The following AOPEP variants were observed in gnomAD, a reference collection of about 807,000 sequenced individuals.
The protein encoded by AOPEP is aminopeptidase O.
In AOPEP, 77 loss-of-function variants were observed where a neutral mutation model predicts 98.1. The ratio of observed to expected loss-of-function variants is 0.78; its 90% CI spans 0.65 to 0.95. The LOEUF (loss-of-function observed/expected upper bound fraction) is 0.95. Ranked by LOEUF, AOPEP falls within the 40% of genes least tolerant of loss-of-function variation. The pLI is 0.00. For missense variants in AOPEP, 1,024 were observed against 1,024.7 expected, an observed-to-expected ratio of 1.00 and a Z score of 0.01; for synonymous variants, 346 against 365.3, an observed-to-expected ratio of 0.95 and a Z score of 0.60.
At chr9:94,867,903 A>G (rs2045888360) in intron 5 of AOPEP, among the ~76,000 whole-genome samples, 1 of 152,200 alleles carries the variant, frequency 6.6e-6, no homozygotes, top group Admixed American at 6.5e-5. Context: ...AGTATCAAAT[A>G]AAGCTATAAC....
intron 5 of AOPEP, among the ~76,000 whole-genome samples, chr9:94,866,225 G>A (rs2045693463): frequency 6.6e-6 from 1 of 152,182 alleles, no homozygotes; most frequent in East Asian, 1.9e-4. Context: ...TGAAATCAGT[G>A]TATTTCTGAA....
intron 14 of AOPEP, among the ~76,000 whole-genome samples, chr9:95,064,850 A>C (rs1275627770): frequency 6.6e-6 from 1 of 152,234 alleles, no homozygotes; most frequent in Admixed American, 6.5e-5. Context: ...AGAACTCTAG[A>C]GGAACTTACC....
intron 1 of AOPEP, among the ~76,000 whole-genome samples, chr9:94,731,482 T>A (rs1377957542): frequency 6.6e-6 from 1 of 152,170 alleles, no homozygotes; most frequent in African/African-American, 2.4e-5. Flanking sequence ...TGCCTCAGCC[T>A]CCCAAAGTGC....
At chr9:94,897,054 G>A (rs1018804537) in intron 5 of AOPEP, among the ~76,000 whole-genome samples, 27 of 151,606 alleles carry the variant, frequency 1.8e-4, no homozygotes, top group African/African-American at 6.1e-4. Flanking sequence ...CCCTGGTCAT[G>A]TACATGTAAA....
chr9:95,085,526 A>C (rs1253256404), intron 16 of AOPEP: 1 of 518,188 alleles, frequency 1.9e-6, no homozygotes, highest in Non-Finnish European at 4.0e-6. Flanking sequence ...TAAGTTCTGC[A>C]CCTGAAGAGA....
intron 5 of AOPEP, among the ~76,000 whole-genome samples, chr9:94,880,056 G>A (rs72748531): frequency 0.021 from 3,261 of 152,258 alleles, 85 homozygotes; most frequent in African/African-American, 0.057. Flanking sequence ...ATAGATCACC[G>A]TATGGGAGTT....
chr9:94,769,959 C>T (rs1464779233), intron 2 of AOPEP, among the ~76,000 whole-genome samples: 1 of 152,200 alleles, frequency 6.6e-6, no homozygotes, highest in Non-Finnish European at 1.5e-5. Context: ...GATTTTAATC[C>T]AGTTGGTGGA....
intron 5 of AOPEP, among the ~76,000 whole-genome samples, chr9:94,830,035 G>T (rs1043475253): frequency 6.6e-6 from 1 of 152,128 alleles, no homozygotes; most frequent in South Asian, 2.1e-4. Context: ...ATTTATTTAT[G>T]TATTTATTCA....
chr9:95,067,571 C>G (rs1285967240), intron 14 of AOPEP, among the ~76,000 whole-genome samples: 2 of 152,188 alleles, frequency 1.3e-5, no homozygotes, highest in African/African-American at 4.8e-5. Flanking sequence ...GGCCTCGGCT[C>G]TCAGGGCACC....
intron 9 of AOPEP, among the ~76,000 whole-genome samples, chr9:94,956,982 A>C (rs1314164124): frequency 6.6e-6 from 1 of 152,118 alleles, no homozygotes; most frequent in Non-Finnish European, 1.5e-5. Flanking sequence ...CCCTAAGCAT[A>C]TATTTGGAAA....
intron 9 of AOPEP, among the ~76,000 whole-genome samples, chr9:94,961,106 C>T (rs2058808885): frequency 6.6e-6 from 1 of 151,948 alleles, no homozygotes; most frequent in African/African-American, 2.4e-5. Flanking sequence ...TTTTCATGCC[C>T]TCAAAACTTT....
chr9:95,055,290 T>C (rs1195578102), intron 13 of AOPEP, among the ~76,000 whole-genome samples: 1 of 152,200 alleles, frequency 6.6e-6, no homozygotes, highest in Non-Finnish European at 1.5e-5. Flanking sequence ...CTGGCTAGTG[T>C]GTGGGCAGTA....
intron 11 of AOPEP, among the ~76,000 whole-genome samples, chr9:94,990,685 C>T (rs942142837): frequency 5.3e-5 from 8 of 152,004 alleles, no homozygotes; most frequent in Non-Finnish European, 8.8e-5. Context: ...AGTGCACTGG[C>T]GTGATCTCGG....
intron 11 of AOPEP, among the ~76,000 whole-genome samples, chr9:95,003,165 T>C (rs200077684): frequency 0.011 from 1,670 of 146,026 alleles, 21 homozygotes; most frequent in African/African-American, 0.026. Flanking sequence ...TGTGTGTGTG[T>C]GCGCGCGCGC....
chr9:95,058,917 G>A lies in AOPEP; in HGVS notation c.2116-1777G>A, dbSNP rs2067074274. 3.9e-5 allele frequency among the ~76,000 whole-genome samples: 6 copies of A among 152,318 alleles called. No individual in the cohort carries two copies. In the South Asian group the frequency reaches 1.0e-3, roughly 26 times the overall value. ...GCTGAAGGGTGAGATGAACTGGAAGGAGAAGGAGGGCAGAGGGAGAAAGAG... is the reference window on the plus strand; with the variant it reads ...GCTGAAGGGTGAGATGAACTGGAAGAAGAAGGAGGGCAGAGGGAGAAAGAG... On this transcript the variant is annotated intron_variant, in intron 13 of 16. Transcript: ENST00000375315.
chr9:94,903,635 A>AG (rs914283140), intron 5 of AOPEP, among the ~76,000 whole-genome samples: 2 of 151,296 alleles, frequency 1.3e-5, no homozygotes, highest in African/African-American at 2.4e-5. Context: ...AAAAAAAAAA[A>AG]AAAACAGTTT....
In AOPEP at chr9:95,058,222, A is replaced by G. The variant is rs924874797; in HGVS notation, c.2116-2472A>G. ...GGAGCTGTATCTATTGGTTAAACCT[A>G]GTTGGGGTTAAGTTGAGGACCAAGC... On this transcript the variant is annotated intron_variant, in intron 13 of 16. Transcript: ENST00000375315. Among the ~76,000 whole-genome samples the G allele has an allele frequency of 2.6e-5, 4 of 152,184 alleles. No homozygotes were observed. The East Asian group carries it at 7.7e-4, about 29-fold the overall frequency.
At chr9:94,728,239 G>GCGCGCGCGCGCGCGCGCACACACACACA (rs113657409) in intron 1 of AOPEP, among the ~76,000 whole-genome samples, 10 of 146,606 alleles carry the variant, frequency 6.8e-5, no homozygotes, top group East Asian at 6.1e-4. Flanking sequence ...GTGCGCGCAT[G>GCGCGCGCGCGCGCGCGCACACACACACA]CACACACACA....
At chr9:94,780,189 C>G (rs1373657648) in intron 3 of AOPEP, among the ~76,000 whole-genome samples, 4 of 152,158 alleles carry the variant, frequency 2.6e-5, no homozygotes, top group Admixed American at 2.6e-4. Flanking sequence ...CCTGCAAAGC[C>G]TAAAATATTT....
Sources: allele counts gnomAD v4.1 joint callset (sites outside exome capture counted in the v4.1 genomes callset), GRCh38; gene constraint gnomAD v4.1.1; transcripts MANE v1.5; gene names NCBI Gene and HGNC (gene_info 2026-07-23, HGNC 2026-07-21).